The following MYL6B variants were observed in gnomAD, a reference collection of about 807,000 sequenced individuals.
The protein encoded by MYL6B is myosin light chain 6B.
Under a neutral mutation model 24.5 loss-of-function variants are expected in MYL6B, and 19 were observed. That is an observed-to-expected ratio of 0.78 (90% CI 0.54 to 1.14). MYL6B has a LOEUF of 1.14. Among genes scored for constraint, MYL6B ranks in the 50% most tolerant of loss-of-function variants. The probability of loss-of-function intolerance (pLI) is 0.00; values close to 1 mark genes in which losing one functional copy is unlikely to be tolerated. For missense variants in MYL6B, 230 were observed against 263.8 expected (o/e 0.87, Z 0.89); for synonymous variants, 90 against 100.7 (o/e 0.89, Z 0.64).
chr12:56,157,653 C>T (rs779370070), intron 6 of MYL6B, 45 bp from the exon 7 acceptor site: 1 of 1,613,416 alleles, frequency 6.2e-7, no homozygotes, highest in Admixed American at 1.7e-5. Context: ...GATGTATTAT[C>T]CAAAGGCCTG....
At chr12:56,153,638 G>A (rs1261892395) in intron 1 of MYL6B, 2 of 346,008 alleles carry the variant, frequency 5.8e-6, no homozygotes, top group Non-Finnish European at 9.3e-6. Flanking sequence ...ATTCTGGGCA[G>A]TCTCTGGCTT....
intron 4 of MYL6B, 35 bp from the exon 5 acceptor site, chr12:56,155,384 C>T (rs1411148109): frequency 1.9e-6 from 3 of 1,613,794 alleles, no homozygotes; most frequent in Non-Finnish European, 2.5e-6. Context: ...TGTAATACTA[C>T]AATGACCTCT....
chr12:56,153,166 G>C (rs1278294396), intron 1 of MYL6B, among the ~76,000 whole-genome samples: 1 of 152,064 alleles, frequency 6.6e-6, no homozygotes, highest in Non-Finnish European at 1.5e-5. Context: ...CTTGTGGAAG[G>C]TTTCTTCCAT....
intron 5 of MYL6B, chr12:56,155,810 G>C: frequency 6.8e-7 from 1 of 1,463,874 alleles, no homozygotes. Context: ...AAGGGATGAG[G>C]CGGGAAACCT....
chr12:56,155,429 G>A (rs748931036), exon 5 of MYL6B: 34 of 1,614,076 alleles, frequency 2.1e-5, no homozygotes, highest in East Asian at 4.5e-5. Context: ...AGCTGAAGTC[G>A]CGGCGTGTGG....
chr12:56,155,901 GTC>G (rs1871288037), intron 5 of MYL6B: 1 of 1,255,098 alleles, frequency 8.0e-7, no homozygotes, highest in Non-Finnish European at 1.0e-6. Flanking sequence ...TTCCTTGTGG[GTC>G]AATACTTTCA....
chr12:56,156,195 AC>A, intron 5 of MYL6B: 1 of 203,608 alleles, frequency 4.9e-6, no homozygotes, highest in Non-Finnish European at 9.0e-6. Context: ...AATCCCAGCT[AC>A]CCAGGAGGCT....
chr12:56,155,731 A>G, intron 5 of MYL6B, 139 bp downstream of exon 5: 1 of 1,543,822 alleles, frequency 6.5e-7, no homozygotes, highest in Non-Finnish European at 8.7e-7. Flanking sequence ...AGAAGGTCAG[A>G]GCTATGGGGG....
chr12:56,157,743 C>G lies in MYL6B; in HGVS notation c.*17C>G, dbSNP rs753068817. On this transcript the variant is annotated 3_prime_UTR_variant, in exon 7 of 7. Coordinates refer to ENST00000553066, the Ensembl canonical transcript of MYL6B. ...AGCGTCTGAGTGCTGCAGGTAGGGC[C>G]CTCCCACCCCTTCGCCGCGCCTTAC... The G allele has an allele frequency of 6.2e-7, 1 of 1,610,404 alleles. No homozygotes were observed. The highest frequency in any genetic ancestry group is 1.6e-4 in the Middle Eastern group (1 of 6,062).
intron 1 of MYL6B, chr12:56,153,635 G>A: frequency 3.0e-6 from 1 of 334,646 alleles, no homozygotes; most frequent in South Asian, 1.0e-4. Flanking sequence ...CTCATTCTGG[G>A]CAGTCTCTGG....
At chr12:56,152,940 C>G (rs1871163315) in intron 1 of MYL6B, among the ~76,000 whole-genome samples, 1 of 152,062 alleles carries the variant, frequency 6.6e-6, no homozygotes, top group Admixed American at 6.5e-5. Context: ...TCCCAGCGCC[C>G]CTGGCAAGGT....
chr12:56,154,078 C>G (rs1348530215), exon 2 of MYL6B: 10 of 1,613,372 alleles, frequency 6.2e-6, no homozygotes, highest in Admixed American at 1.7e-5. Flanking sequence ...TCCAGTCGAT[C>G]TCTCCAAAGT....
chr12:56,153,914 A>C, exon 2 of MYL6B: 1 of 1,608,638 alleles, frequency 6.2e-7, no homozygotes, highest in Non-Finnish European at 8.5e-7. Flanking sequence ...TGGCCACCGG[A>C]CATCATGCCT....
intron 1 of MYL6B, among the ~76,000 whole-genome samples, chr12:56,153,138 GTCTT>G (rs1871171082): frequency 2.0e-5 from 3 of 152,072 alleles, no homozygotes; most frequent in Non-Finnish European, 4.4e-5. Flanking sequence ...CCTTTTGTTT[GTCTT>G]GAATGACCGT....
In MYL6B at chr12:56,157,884, C is replaced by A. The variant is rs1211134101; in HGVS notation, c.*158C>A. The A allele has an allele frequency of 1.1e-5, 9 of 812,840 alleles. No homozygotes were observed. The South Asian group carries it at 1.5e-4, about 14-fold the overall frequency. 50.4% of individuals were successfully genotyped at this position (812,840 alleles called of 1,614,324 possible). A position where few individuals can be genotyped will look rare whatever the true frequency, so the allele number is the denominator to read the frequency against. ...GCAACTTTGGTTTTTTTCCACAGATCCAGTGGGGTCCGGACACTGGGCCCC... is the reference window on the plus strand; with the variant it reads ...GCAACTTTGGTTTTTTTCCACAGATACAGTGGGGTCCGGACACTGGGCCCC... On this transcript the variant is annotated 3_prime_UTR_variant, in exon 7 of 7. Coordinates refer to ENST00000553066, the Ensembl canonical transcript of MYL6B.
rs780551588 is a variant in MYL6B, at chr12:56,157,587, G to A, written c.598+42G>A. The A allele has an allele frequency of 7.4e-6, 12 of 1,613,004 alleles. No homozygotes were observed. In the East Asian group the frequency reaches 2.5e-4, roughly 33 times the overall value. On this transcript the variant is annotated intron_variant, in intron 6 of 6. Coordinates refer to ENST00000553066, the Ensembl canonical transcript of MYL6B. ...GCGGGAGCGGGGCCGAGGGAGGAGG[G>A]CAGCCTGGCGTCTTGCCGCGTGTGG...
At chr12:56,154,956 C>T in intron 3 of MYL6B, 99 bp from the exon 4 acceptor site, 3 of 1,560,190 alleles carry the variant, frequency 1.9e-6, no homozygotes, top group Non-Finnish European at 2.6e-6. Context: ...GTCCTCTTTT[C>T]CTCCCTTGTT....
Position 56,153,615 on chromosome 12 carries a change from G to C in MYL6B, c.-46-258G>C, listed in dbSNP as rs983232694. 1.9e-5 allele frequency: 7 copies of C among 372,980 alleles called. No individual in the cohort carries two copies. In the Admixed American group the frequency reaches 3.9e-4, roughly 21 times the overall value. 23.1% of individuals were successfully genotyped at this position (372,980 alleles called of 1,614,324 possible). A position where few individuals can be genotyped will look rare whatever the true frequency, so the allele number is the denominator to read the frequency against. On this transcript the variant is annotated intron_variant, in intron 1 of 6. Transcript: ENST00000553066. ...GCAAGCATCCTATCCTCACCCTGGA[G>C]GTTAACTACCTCATTCTGGGCAGTC...
intron 1 of MYL6B, 149 bp downstream of exon 1, chr12:56,152,780 G>GA (rs1361162516): frequency 1.3e-5 from 2 of 151,862 alleles, no homozygotes; most frequent in Non-Finnish European, 2.9e-5. Context: ...GCTGTTTTGC[G>GA]AATGGGAGAC....
Sources: allele counts gnomAD v4.1 joint callset (sites outside exome capture counted in the v4.1 genomes callset), GRCh38; gene constraint gnomAD v4.1.1; transcripts MANE v1.5; gene names NCBI Gene and HGNC (gene_info 2026-07-23, HGNC 2026-07-21).